SMAD9: variants seen among roughly 807,000 people sequenced by gnomAD.
SMAD9 encodes the protein SMAD family member 9, also known as MAD homolog 9.
SMAD9 carries 36 observed loss-of-function variants against 46.1 expected under a neutral mutation model. That is an observed-to-expected ratio of 0.78 (90% confidence interval 0.60 to 1.03). The LOEUF is 1.03. Among genes scored for constraint, SMAD9 ranks in the 50% least tolerant of loss-of-function variants. The probability of loss-of-function intolerance (pLI) is 0.00; values close to 1 mark genes in which losing one functional copy is unlikely to be tolerated. For synonymous variants in SMAD9, 245 were observed against 237.1 expected, an observed-to-expected ratio of 1.03 and a Z score of -0.31; for missense variants, 572 against 599.8, an observed-to-expected ratio of 0.95 and a Z score of 0.48.
At position 36,883,066 on chromosome 13, in the gene SMAD9, C is replaced by T. The variant is rs141637584; in HGVS notation, c.-186-3191G>A. ...TAGCCACTAGTAGAACAAAGGGCCT[C>T]CCTGTTTGTCTCCAGGTGGTCATCG... On this transcript the variant is annotated intron_variant, in intron 1 of 6. Transcript: ENST00000379826. 3.9e-5 allele frequency among the ~76,000 whole-genome samples: 6 copies of T among 152,254 alleles called. No homozygotes were observed. The East Asian group carries it at 1.2e-3, about 29-fold the overall frequency.
At position 36,853,153 on chromosome 13, in the gene SMAD9, T is replaced by C. The variant is rs142472539; in HGVS notation, c.1260+266A>G. ...TACAGAAATCAGCCAAGCGTGGTGG[T>C]GCGTGCCTGTAGTCCCAGCTACCCG... On this transcript the variant is annotated intron_variant, in intron 6 of 6. Transcript: ENST00000379826. Among the ~76,000 whole-genome samples the C allele has an allele frequency of 1.7e-3, 255 of 152,220 alleles. 6 individuals are homozygous for C. In the East Asian group the frequency reaches 0.045, roughly 27 times the overall value.
intron 5 of SMAD9, 133 bp from the exon 6 acceptor site, chr13:36,853,808 T>C: frequency 1.1e-6 from 1 of 869,906 alleles, no homozygotes; most frequent in Admixed American, 1.9e-5. Context: ...ATGAGATGTG[T>C]GACCTAAATG....
chr13:36,896,123 A>AT (rs1178449919), intron 1 of SMAD9, among the ~76,000 whole-genome samples: 1 of 150,792 alleles, frequency 6.6e-6, no homozygotes, highest in African/African-American at 2.4e-5. Flanking sequence ...TTATTTATTT[A>AT]TTTATTTATT....
At chr13:36,861,358 A>T (rs1007758734) in intron 5 of SMAD9, among the ~76,000 whole-genome samples, 10 of 151,978 alleles carry the variant, frequency 6.6e-5, no homozygotes, top group African/African-American at 2.4e-4. Context: ...ACTATTGCCC[A>T]GGCTGGAGTG....
chr13:36,914,050 G>A (rs905305738), intron 1 of SMAD9, among the ~76,000 whole-genome samples: 2 of 152,082 alleles, frequency 1.3e-5, no homozygotes, highest in African/African-American at 2.4e-5. Context: ...GTACTTCCCT[G>A]GCCAGCTCAC....
At chr13:36,852,561 C>G in intron 6 of SMAD9, 1 of 984,716 alleles carries the variant, frequency 1.0e-6, no homozygotes, top group Non-Finnish European at 1.2e-6. Context: ...TATTCATCAA[C>G]AGAACATATA....
intron 2 of SMAD9, among the ~76,000 whole-genome samples, chr13:36,878,041 G>A (rs1161964163): frequency 6.6e-6 from 1 of 152,150 alleles, no homozygotes; most frequent in African/African-American, 2.4e-5. Context: ...AAATGCCACA[G>A]AAACACTCAA....
In SMAD9 at chr13:36,910,065, C is replaced by G. The variant is rs111800927; in HGVS notation, c.-187+10051G>C. Reference sequence around the variant, plus strand: ...ACAAAAAATTATCCGGGCGTGGTGGCGGGCGCCTGTAGTCCCAGCTACTCA... The same window carrying G: ...ACAAAAAATTATCCGGGCGTGGTGGGGGGCGCCTGTAGTCCCAGCTACTCA... On this transcript the variant is annotated intron_variant, in intron 1 of 6. Coordinates refer to ENST00000379826, the MANE Select transcript of SMAD9 (RefSeq NM_001127217.3). Among the ~76,000 whole-genome samples the G allele has an allele frequency of 2.3e-3, 344 of 151,620 alleles. 2 individuals are homozygous for G. Among genetic ancestry groups the G allele is most frequent in the African/African-American group, 7.5e-3 (309 of 41,386 alleles).
At chr13:36,867,791 CA>C (rs2058250314) in intron 3 of SMAD9, among the ~76,000 whole-genome samples, 1 of 152,140 alleles carries the variant, frequency 6.6e-6, no homozygotes, top group African/African-American at 2.4e-5. Context: ...ACAAATTGTA[CA>C]ATGGCCACGG....
intron 1 of SMAD9, among the ~76,000 whole-genome samples, chr13:36,885,977 C>A (rs2058441596): frequency 6.6e-6 from 1 of 151,972 alleles, no homozygotes; most frequent in African/African-American, 2.4e-5. Context: ...CTGGGAAGAG[C>A]CTGGAAGGAT....
chr13:36,859,395 C>G (rs2138333940), intron 5 of SMAD9, among the ~76,000 whole-genome samples: 1 of 152,206 alleles, frequency 6.6e-6, no homozygotes, highest in Admixed American at 6.5e-5. Context: ...GGCTGCATTC[C>G]CAGACGGGTA....
intron 1 of SMAD9, among the ~76,000 whole-genome samples, chr13:36,882,376 G>A (rs925027341): frequency 6.6e-6 from 1 of 152,118 alleles, no homozygotes; most frequent in Admixed American, 6.6e-5. Flanking sequence ...TCTTCAAACT[G>A]TCTGTCTGAG....
intron 6 of SMAD9, chr13:36,851,590 G>T: frequency 4.6e-6 from 1 of 216,778 alleles, no homozygotes; most frequent in Non-Finnish European, 7.9e-6. Flanking sequence ...CACGTGCCTG[G>T]CCTGCACATG....
chr13:36,884,143 C>A (rs574770), intron 1 of SMAD9, among the ~76,000 whole-genome samples: 4 of 152,144 alleles, frequency 2.6e-5, no homozygotes, highest in South Asian at 4.1e-4. Context: ...ACTCTGACAC[C>A]GCTATCAAAC....
intron 6 of SMAD9, chr13:36,851,605 G>T (rs2058075395): frequency 6.5e-6 from 2 of 309,532 alleles, no homozygotes; most frequent in Non-Finnish European, 9.4e-6. Flanking sequence ...CACATGGCAG[G>T]TGCTCAATAA....
intron 1 of SMAD9, among the ~76,000 whole-genome samples, chr13:36,902,698 C>T (rs978402581): frequency 1.3e-5 from 2 of 152,110 alleles, no homozygotes; most frequent in East Asian, 1.9e-4. Context: ...CCTCGTGATC[C>T]GCTCATCTCG....
rs1481058198 is a variant in SMAD9 at position 36,867,359 on chromosome 13, T to C, written c.695A>G (p.His232Arg). The C allele has an allele frequency of 3.2e-6, 5 of 1,550,760 alleles. No individual in the cohort carries two copies. In the African/African-American group the frequency reaches 5.5e-5, roughly 17 times the overall value. ...CTGGGTCTCAGAGGCTTCTGTGGCA[T>C]GATAAGGCAGGGGTGGTGTGTCAAC... ...HSVDTPPLPY[H>R]ATEASETQSG... Residue 232 changes from histidine (H) to arginine (R), a missense_variant, in exon 4 of 7, where the codon CAT (histidine) becomes CGT (arginine). By Grantham distance (29) the His-to-Arg change is conservative. Coordinates refer to ENST00000379826, the MANE Select transcript of SMAD9 (RefSeq NM_001127217.3).
At chr13:36,873,445 G>A (rs971420837) in intron 2 of SMAD9, among the ~76,000 whole-genome samples, 7 of 152,124 alleles carry the variant, frequency 4.6e-5, no homozygotes, top group African/African-American at 1.7e-4. Flanking sequence ...CTCAATTTCA[G>A]GTTCAGTAGT....
chr13:36,857,660 G>A (rs1246467706), intron 5 of SMAD9, among the ~76,000 whole-genome samples: 1 of 152,136 alleles, frequency 6.6e-6, no homozygotes, highest in Non-Finnish European at 1.5e-5. Context: ...TGGGCAGGCT[G>A]GTGAGAGTGT....
Sources: gnomAD v4.1 joint callset for allele counts (sites outside exome capture counted in the v4.1 genomes callset) on GRCh38, gnomAD v4.1.1 for gene constraint, MANE v1.5 for transcripts, NCBI Gene and HGNC (gene_info 2026-07-23, HGNC 2026-07-21) for gene names.